Variants in PTPRB observed in about 807,000 individuals in gnomAD.
The protein encoded by PTPRB is receptor-type tyrosine-protein phosphatase beta.
Under a neutral mutation model 238.1 loss-of-function variants are expected in PTPRB, and 97 were observed. That is an observed-to-expected ratio of 0.41 (90% CI 0.35 to 0.48). The LOEUF is 0.48. PTPRB is among the 20% of genes least tolerant of loss of function. The probability of loss-of-function intolerance (pLI) is 0.30; values close to 1 mark genes in which losing one functional copy is unlikely to be tolerated. For synonymous variants in PTPRB, 970 were observed against 995.4 expected (o/e 0.97, Z 0.48); for missense variants, 2,292 against 2,681.9 (o/e 0.85, Z 3.21).
chr12:70,596,832 A>G (rs993708375), intron 4 of PTPRB, among the ~76,000 whole-genome samples: 2 of 152,196 alleles, frequency 1.3e-5, no homozygotes, highest in African/African-American at 4.8e-5. Flanking sequence ...AGACAACCAC[A>G]AAAGATACAC....
rs755443938 is a variant in PTPRB, at chr12:70,569,784, G to A, written c.3525C>T (p.His1175=). 17 of 1,613,892 alleles carry A rather than the reference G, an allele frequency of 1.1e-5. No homozygotes were observed. Among genetic ancestry groups the A allele is most frequent in the East Asian group, 4.5e-5 (2 of 44,854 alleles). Residue 1175 remains histidine, a synonymous_variant, in exon 14 of 34, where the codon CAC becomes CAT. Transcript: ENST00000334414. ...QKVDSQTIPK[H]VFEHTFHRLE... is the part of the protein sequence containing the mutation. The stretch of plus-strand genomic sequence containing the variant: ...GTCTGTGGAACGTGTGCTCAAAGAC[G>A]TGCTTGGGAATAGTCTGAGAGTCAA...
At chr12:70,562,542 T>A (rs1878627805) in intron 16 of PTPRB, among the ~76,000 whole-genome samples, 1 of 152,184 alleles carries the variant, frequency 6.6e-6, no homozygotes, top group African/African-American at 2.4e-5. Flanking sequence ...CGAATTAAAC[T>A]ATGATGGGTT....
chr12:70,533,051 A>C (rs972105076), intron 31 of PTPRB, among the ~76,000 whole-genome samples: 4 of 152,230 alleles, frequency 2.6e-5, no homozygotes, highest in Admixed American at 2.6e-4. Context: ...AAAGAACATG[A>C]ATATATGTGG....
intron 2 of PTPRB, among the ~76,000 whole-genome samples, chr12:70,630,063 G>GA (rs1885378050): frequency 6.6e-6 from 1 of 151,966 alleles, no homozygotes; most frequent in Non-Finnish European, 1.5e-5. Context: ...CCAATCAACA[G>GA]AAAAAGAGGG....
intron 11 of PTPRB, among the ~76,000 whole-genome samples, chr12:70,573,466 G>C (rs1248708855): frequency 6.6e-6 from 1 of 151,414 alleles, no homozygotes; most frequent in East Asian, 1.9e-4. Context: ...AAAAAGTAAA[G>C]GTGGCAGTTG....
chr12:70,538,274 T>C (rs754422415), intron 27 of PTPRB, 43 bp from the exon 28 acceptor site: 5 of 1,547,008 alleles, frequency 3.2e-6, no homozygotes, highest in Admixed American at 3.4e-5. Flanking sequence ...GTGACTTTTC[T>C]ACAGTTTATG....
At chr12:70,584,864 G>A (rs1881732887) in intron 9 of PTPRB, 1 of 151,862 alleles carries the variant, frequency 6.6e-6, no homozygotes, top group South Asian at 2.1e-4. Flanking sequence ...CTAAACAGAT[G>A]TTGACTATAT....
intron 14 of PTPRB, among the ~76,000 whole-genome samples, chr12:70,569,138 G>A (rs1022663126): frequency 2.6e-5 from 4 of 151,774 alleles, no homozygotes; most frequent in Non-Finnish European, 5.9e-5. Context: ...GTCTCACTCC[G>A]GTTGCCCAGG....
At chr12:70,550,154 A>G (rs765186541) in intron 21 of PTPRB, among the ~76,000 whole-genome samples, 5 of 152,338 alleles carry the variant, frequency 3.3e-5, no homozygotes, top group East Asian at 1.9e-4. Context: ...GGAGCACCCA[A>G]CTGCCCAGCT....
intron 8 of PTPRB, among the ~76,000 whole-genome samples, chr12:70,588,112 A>AGAAAAG (rs1882123054): frequency 6.7e-6 from 1 of 148,798 alleles, no homozygotes; most frequent in African/African-American, 2.5e-5. Context: ...AAAAAAAAAA[A>AGAAAAG]AGAAAAGAAA....
intron 4 of PTPRB, chr12:70,608,857 G>T: frequency 9.2e-6 from 6 of 652,652 alleles, no homozygotes; most frequent in Middle Eastern, 4.2e-4. Flanking sequence ...GTAGCTAGTT[G>T]GCTGTTTTCA....
At chr12:70,522,352 G>A (rs1018240821) in intron 33 of PTPRB, among the ~76,000 whole-genome samples, 1 of 152,318 alleles carries the variant, frequency 6.6e-6, no homozygotes, top group East Asian at 1.9e-4. Flanking sequence ...TCCAGCCCCA[G>A]TCAAACCTTC....
chr12:70,547,499 TTTTTC>T (rs1322721297), intron 21 of PTPRB, among the ~76,000 whole-genome samples: 14 of 150,512 alleles, frequency 9.3e-5, no homozygotes, highest in African/African-American at 3.4e-4. Context: ...ACTTTTTTTC[TTTTTC>T]TTTCTTTTCT....
At chr12:70,597,247 C>G (rs1414005364) in intron 4 of PTPRB, among the ~76,000 whole-genome samples, 3 of 152,098 alleles carry the variant, frequency 2.0e-5, no homozygotes, top group African/African-American at 7.2e-5. Context: ...TTTTTAAAAT[C>G]TCAATTTTGG....
Position 70,534,508 on chromosome 12 carries a change from C to A in PTPRB, c.6348G>T (p.Gly2116=). ...RDYINRSPGA[G]PTVVHCSAGV... is the part of the protein sequence containing the mutation. ...AGTACCTGCAGTGCACCACAGTGGG[C>A]CCAGCACCCGGGCTTCTGTTGATGT... Residue 2116 remains glycine, a synonymous_variant, in exon 31 of 34, where the codon GGG becomes GGT. Coordinates refer to ENST00000334414, the MANE Select transcript of PTPRB (RefSeq NM_001109754.4). 6.2e-7 allele frequency: 1 copy of A among 1,612,690 alleles called. No homozygotes were observed. Among genetic ancestry groups the A allele is most frequent in the Non-Finnish European group, 8.5e-7 (1 of 1,179,656 alleles).
At chr12:70,636,089 A>G (rs1177371863) in intron 1 of PTPRB, 23 bp from the exon 2 acceptor site, 1 of 1,553,326 alleles carries the variant, frequency 6.4e-7, no homozygotes, top group Non-Finnish European at 8.7e-7. Flanking sequence ...AAGCTCATAA[A>G]GCACTATGTA....
chr12:70,590,940 G>GTTTTTTT (rs35496972), intron 7 of PTPRB, among the ~76,000 whole-genome samples: 21 of 102,848 alleles, frequency 2.0e-4, no homozygotes, highest in Non-Finnish European at 3.4e-4. Context: ...TTTCCTCCAA[G>GTTTTTTT]TTTTTTTTTT....
Position 70,587,189 on chromosome 12 carries a change from G to A in PTPRB, c.2129C>T (p.Ala710Val). 1 of 1,613,612 alleles carries A rather than the reference G, an allele frequency of 6.2e-7. No homozygotes were observed. Among genetic ancestry groups the A allele is most frequent in the South Asian group, 1.1e-5 (1 of 91,072 alleles). The change falls in exon 9 of 34, where the codon GCA becomes GTA. Residue 710 changes from alanine (A) to valine (V), a missense_variant. By Grantham distance (64) the Ala-to-Val change is moderately conservative. This residue lies in a region of PTPRB where 1,205 missense variants were observed against 1,287.8 expected (regional missense o/e 0.94). Transcript: ENST00000334414. ...SLSIMWQTPV[A>V]EWEKYIISLA... The stretch of plus-strand genomic sequence containing the variant: ...GGAAATGATGTATTTCTCCCATTCT[G>A]CTACAGGGGTCTGCCACATGATACT...
chr12:70,588,949 A>T (rs1882213671), intron 8 of PTPRB, among the ~76,000 whole-genome samples: 1 of 152,124 alleles, frequency 6.6e-6, no homozygotes, highest in South Asian at 2.1e-4. Flanking sequence ...ACAGAGCAAG[A>T]CTCTGTCTCA....
Sources: allele counts gnomAD v4.1 joint callset (sites outside exome capture counted in the v4.1 genomes callset), GRCh38; gene constraint gnomAD v4.1.1; regional missense constraint gnomAD v4.1.1; transcripts MANE v1.5; gene names NCBI Gene and HGNC (gene_info 2026-07-23, HGNC 2026-07-21).